GRM1: variants seen among roughly 807,000 people sequenced by gnomAD.
The protein encoded by GRM1 is metabotropic glutamate receptor 1.
In GRM1, 33 loss-of-function variants were observed where a neutral mutation model predicts 90.9. The ratio of observed to expected loss-of-function variants is 0.36; its 90% CI spans 0.28 to 0.49. The LOEUF is 0.49. GRM1 is among the 20% of genes least tolerant of loss of function. The pLI is 0.99. For synonymous variants in GRM1, 700 were observed against 613.2 expected (o/e 1.14, Z -2.09); for missense variants, 1,190 against 1,534.3 (o/e 0.78, Z 3.75).
chr6:146,124,984 A>G (rs540872090), intron 1 of GRM1, among the ~76,000 whole-genome samples: 20 of 152,160 alleles, frequency 1.3e-4, no homozygotes, highest in Non-Finnish European at 2.4e-4. Flanking sequence ...TAATTATGAA[A>G]TGCTAATGAC....
In GRM1 at chr6:146,321,700, C is replaced by T. The variant is rs528425103; in HGVS notation, c.1186+16854C>T. ...AGTTAGCTATTCTTGTTGCATTGAT[C>T]CCTTTACCATTAAGTAATGCCCTTC... On this transcript the variant is annotated intron_variant, in intron 3 of 7. Transcript: ENST00000282753. Among the ~76,000 whole-genome samples the T allele has an allele frequency of 2.4e-4, 36 of 151,828 alleles. No individual in the cohort carries two copies. In the South Asian group the frequency reaches 6.5e-3, roughly 28 times the overall value.
intron 5 of GRM1, among the ~76,000 whole-genome samples, chr6:146,380,322 G>A (rs1583415384): frequency 6.6e-6 from 1 of 151,760 alleles, no homozygotes; most frequent in African/African-American, 2.4e-5. Flanking sequence ...CAAACCACAA[G>A]ATGCAGTCCT....
chr6:146,187,726 C>T (rs2114569427), intron 2 of GRM1, among the ~76,000 whole-genome samples: 2 of 145,154 alleles, frequency 1.4e-5, no homozygotes, highest in Middle Eastern at 7.2e-3. Context: ...TCTACAACAA[C>T]TAGGCACAAA....
chr6:146,180,691 G>A (rs1056720603), intron 2 of GRM1, among the ~76,000 whole-genome samples: 5 of 151,196 alleles, frequency 3.3e-5, no homozygotes, highest in African/African-American at 9.7e-5. Context: ...CAAATGTCAC[G>A]AACTTAAACT....
intron 2 of GRM1, among the ~76,000 whole-genome samples, chr6:146,195,081 A>G (rs1424507896): frequency 6.6e-6 from 1 of 152,190 alleles, no homozygotes; most frequent in Non-Finnish European, 1.5e-5. Context: ...CTCTATTTCC[A>G]TTCCAGTGAC....
chr6:146,371,249 T>A (rs1428406824), intron 5 of GRM1, among the ~76,000 whole-genome samples: 2 of 152,104 alleles, frequency 1.3e-5, no homozygotes, highest in South Asian at 2.1e-4. Context: ...TGAAGTGCTA[T>A]AGGGACACAG....
At chr6:146,237,787 G>A (rs1445995257) in intron 2 of GRM1, among the ~76,000 whole-genome samples, 2 of 152,126 alleles carry the variant, frequency 1.3e-5, no homozygotes, top group Non-Finnish European at 2.9e-5. Flanking sequence ...CTGAAGTCAT[G>A]CCATCTGATA....
chr6:146,171,298 G>A (rs935430517), intron 2 of GRM1: 5 of 152,122 alleles, frequency 3.3e-5, no homozygotes, highest in East Asian at 3.9e-4. Flanking sequence ...GGGCCCTCAC[G>A]TGCCAAAAAC....
chr6:146,305,633 C>T (rs1037563555), intron 3 of GRM1, among the ~76,000 whole-genome samples: 10 of 152,044 alleles, frequency 6.6e-5, no homozygotes, highest in Admixed American at 3.3e-4. Flanking sequence ...CTTACTGGGT[C>T]GATAGCATAG....
At chr6:146,165,872 T>G (rs1562503871) in intron 2 of GRM1, among the ~76,000 whole-genome samples, 1 of 152,104 alleles carries the variant, frequency 6.6e-6, no homozygotes, top group Non-Finnish European at 1.5e-5. Context: ...TGATTTACCT[T>G]AAAGTTGGTA....
chr6:146,304,704 G>A lies in GRM1; in HGVS notation c.1044G>A (p.Arg348=). 6.2e-7 allele frequency: 1 copy of A among 1,613,920 alleles called. No individual in the cohort carries two copies. Among genetic ancestry groups the A allele is most frequent in the Non-Finnish European group, 8.5e-7 (1 of 1,179,888 alleles). ...TAAAGCTGCAGTCTCCAGAGGTCAG[G>A]TCATTTGATGATTATTTCCTGAAAC... ...ITIKLQSPEV[R]SFDDYFLKLR... is the part of the protein sequence containing the mutation. Residue 348 remains arginine (R), a synonymous_variant, in exon 3 of 8, where the codon AGG becomes AGA. Transcript: ENST00000282753.
chr6:146,218,687 G>A (rs756213767), intron 2 of GRM1, among the ~76,000 whole-genome samples: 5 of 152,112 alleles, frequency 3.3e-5, no homozygotes, highest in Non-Finnish European at 7.4e-5. Flanking sequence ...AAATCTAACT[G>A]CCATAAAACG....
At chr6:146,407,212 C>T (rs1196534234) in intron 7 of GRM1, among the ~76,000 whole-genome samples, 1 of 152,156 alleles carries the variant, frequency 6.6e-6, no homozygotes, top group African/African-American at 2.4e-5. Context: ...TGGAAAGCCA[C>T]ATGCTCAAGT....
intron 1 of GRM1, among the ~76,000 whole-genome samples, chr6:146,109,011 G>T (rs1335714136): frequency 6.6e-6 from 1 of 152,142 alleles, no homozygotes; most frequent in Non-Finnish European, 1.5e-5. Context: ...GCTGTTAAAG[G>T]CATTCAGTTT....
At chr6:146,188,260 C>T (rs1159061185) in intron 2 of GRM1, among the ~76,000 whole-genome samples, 1 of 152,104 alleles carries the variant, frequency 6.6e-6, no homozygotes, top group Non-Finnish European at 1.5e-5. Context: ...ATTCTGTCTA[C>T]ACATCTTTTT....
intron 2 of GRM1, among the ~76,000 whole-genome samples, chr6:146,235,998 A>C (rs1201740655): frequency 6.6e-6 from 1 of 152,084 alleles, no homozygotes; most frequent in Non-Finnish European, 1.5e-5. Context: ...TTGGTAAGAA[A>C]TGCAGAGAAG....
At chr6:146,419,934 G>A (rs1372877348) in intron 7 of GRM1, among the ~76,000 whole-genome samples, 1 of 152,150 alleles carries the variant, frequency 6.6e-6, no homozygotes, top group South Asian at 2.1e-4. Flanking sequence ...GAGTTTCCAG[G>A]CTTGGGCTTG....
intron 2 of GRM1, among the ~76,000 whole-genome samples, chr6:146,282,491 A>G (rs1782605683): frequency 1.3e-5 from 2 of 152,044 alleles, no homozygotes; most frequent in African/African-American, 4.8e-5. Flanking sequence ...GAAAGAAAAG[A>G]TGAAGGAAGG....
chr6:146,061,179 A>T (rs964964446), intron 1 of GRM1, among the ~76,000 whole-genome samples: 2 of 152,148 alleles, frequency 1.3e-5, no homozygotes, highest in African/African-American at 4.8e-5. Context: ...CAAAACAATT[A>T]CAATAGTGAC....
Sources: allele counts gnomAD v4.1 joint callset (sites outside exome capture counted in the v4.1 genomes callset), GRCh38; gene constraint gnomAD v4.1.1; transcripts MANE v1.5; gene names NCBI Gene and HGNC (gene_info 2026-07-23, HGNC 2026-07-21).